The following ATP8B4 variants were observed in gnomAD, a reference collection of about 807,000 sequenced individuals.
ATP8B4 encodes the protein ATPase phospholipid transporting 8B4 (putative), also known as probable phospholipid-transporting ATPase IM.
ATP8B4 carries 133 observed loss-of-function variants against 145.6 expected under a neutral mutation model. That is an observed-to-expected ratio of 0.91 (90% CI 0.79 to 1.05). The LOEUF (loss-of-function observed/expected upper bound fraction) is 1.05. Ranked by LOEUF, ATP8B4 falls within the 50% of genes least tolerant of loss-of-function variation. The pLI is 0.00. For missense variants in ATP8B4, 1,458 were observed against 1,425.2 expected (o/e 1.02, Z -0.37); for synonymous variants, 507 against 492.9 (o/e 1.03, Z -0.38).
intron 19 of ATP8B4, 99 bp from the exon 20 acceptor site, chr15:49,917,138 C>T: frequency 8.9e-7 from 1 of 1,119,200 alleles, no homozygotes; most frequent in Middle Eastern, 2.0e-4. Flanking sequence ...TTTCTTAAAG[C>T]CTACAGGGGG....
At position 49,923,507 on chromosome 15, in the gene ATP8B4, A is replaced by C. The variant is rs1469641969; in HGVS notation, c.1643-13T>G. 6.5e-7 allele frequency: 1 copy of C among 1,540,364 alleles called. No homozygotes were observed. The highest frequency in any genetic ancestry group is 1.9e-5 in the Admixed American group (1 of 52,476). On this transcript the variant is annotated splice_polypyrimidine_tract_variant and intron_variant, in intron 16 of 27. Coordinates refer to ENST00000284509, the MANE Select transcript of ATP8B4 (RefSeq NM_024837.4). ...TCTGGGTTTCGAACTGAAAAGAAAA[A>C]AGTTTGGAAAAGCAGAATATAATCA...
intron 26 of ATP8B4, among the ~76,000 whole-genome samples, chr15:49,862,878 G>A (rs917531957): frequency 1.3e-5 from 2 of 152,182 alleles, no homozygotes; most frequent in Non-Finnish European, 2.9e-5. Flanking sequence ...TTACCAGCCT[G>A]AGCCAAGCAT....
At chr15:49,879,509 G>C (rs529067256) in intron 23 of ATP8B4, 50 bp from the exon 24 acceptor site, 1 of 1,471,890 alleles carries the variant, frequency 6.8e-7, no homozygotes, top group Non-Finnish European at 9.3e-7. Context: ...ATAGTAGTGA[G>C]AATATTCACA....
intron 7 of ATP8B4, 38 bp from the exon 8 acceptor site, chr15:50,002,261 G>A (rs755370696): frequency 1.3e-6 from 2 of 1,528,506 alleles, no homozygotes; most frequent in Admixed American, 3.4e-5. Context: ...TACTTGAGAA[G>A]TTAGATTGGT....
Position 49,920,265 on chromosome 15 carries a change from T to C in ATP8B4, c.1904A>G (p.Glu635Gly). 1.2e-6 allele frequency: 2 copies of C among 1,614,136 alleles called. No homozygotes were observed. The highest frequency in any genetic ancestry group is 1.7e-6 in the Non-Finnish European group (2 of 1,179,990). ...TCATACCATCAAATCTCTTTCAATT[T>C]CTTCATATAGCCCAGCTATTCGTTC... ...RDERIAGLYEEIERDLMLLGA... is the reference protein window; with the variant it reads ...RDERIAGLYEGIERDLMLLGA... The change falls in exon 18 of 28, where the codon GAA becomes GGA. Residue 635 changes from glutamate to glycine, a missense_variant. Glu to Gly is a moderately conservative substitution (Grantham distance 98, BLOSUM62 -2). Transcript: ENST00000284509.
chr15:50,168,232 G>A (rs762534338), intron 1 of ATP8B4, among the ~76,000 whole-genome samples: 3 of 152,086 alleles, frequency 2.0e-5, no homozygotes, highest in African/African-American at 4.8e-5. Context: ...GCGAAGGCTC[G>A]CATTGCGAAT....
At chr15:50,135,287 C>A (rs1218040530) in intron 1 of ATP8B4, among the ~76,000 whole-genome samples, 2 of 152,094 alleles carry the variant, frequency 1.3e-5, no homozygotes, top group Admixed American at 6.6e-5. Flanking sequence ...TAAGGAGGTA[C>A]TCTACATTTC....
intron 1 of ATP8B4, among the ~76,000 whole-genome samples, chr15:50,115,226 C>T (rs1454560058): frequency 5.3e-5 from 8 of 152,072 alleles, no homozygotes; most frequent in Admixed American, 6.5e-5. Flanking sequence ...AGTCCCACTG[C>T]TTGGGAGGCT....
chr15:49,863,231 CA>C (rs1315930639), intron 26 of ATP8B4, among the ~76,000 whole-genome samples: 1 of 152,186 alleles, frequency 6.6e-6, no homozygotes, highest in Non-Finnish European at 1.5e-5. Context: ...CTCAAAGTTC[CA>C]AGATCAAGAA....
chr15:50,179,105 T>C (rs1400274472), intron 1 of ATP8B4, among the ~76,000 whole-genome samples: 2 of 152,130 alleles, frequency 1.3e-5, no homozygotes. Flanking sequence ...AGACCAGACT[T>C]GCTAAAAACA....
chr15:49,861,790 G>A (rs1339502298), intron 27 of ATP8B4, among the ~76,000 whole-genome samples: 3 of 152,116 alleles, frequency 2.0e-5, no homozygotes, highest in Non-Finnish European at 4.4e-5. Context: ...TGTTCAGAAG[G>A]TAACATCTCA....
intron 6 of ATP8B4, among the ~76,000 whole-genome samples, chr15:50,025,830 G>T (rs945042320): frequency 6.6e-6 from 1 of 152,152 alleles, no homozygotes; most frequent in Non-Finnish European, 1.5e-5. Flanking sequence ...CTGGCACACA[G>T]GATTCACTCA....
At chr15:50,048,583 CT>C (rs1473724946) in intron 3 of ATP8B4, among the ~76,000 whole-genome samples, 1 of 151,988 alleles carries the variant, frequency 6.6e-6, no homozygotes, top group Non-Finnish European at 1.5e-5. Flanking sequence ...TGGTGCACGC[CT>C]GTAATCCCAG....
chr15:49,930,203 T>C (rs1195872263), intron 16 of ATP8B4, among the ~76,000 whole-genome samples: 3 of 152,042 alleles, frequency 2.0e-5, no homozygotes, highest in Non-Finnish European at 4.4e-5. Context: ...GCAATTGTTT[T>C]CTGATGCAGG....
intron 19 of ATP8B4, chr15:49,917,337 A>C: frequency 3.3e-6 from 1 of 304,224 alleles, no homozygotes; most frequent in Non-Finnish European, 6.0e-6. Context: ...ACTCATGAAA[A>C]TAAGATCTTG....
chr15:49,940,251 T>C (rs1343667807), intron 14 of ATP8B4, among the ~76,000 whole-genome samples: 1 of 152,158 alleles, frequency 6.6e-6, no homozygotes, highest in African/African-American at 2.4e-5. Flanking sequence ...TGTAGCCACA[T>C]GGATGCAGCT....
intron 2 of ATP8B4, among the ~76,000 whole-genome samples, chr15:50,079,303 G>A (rs1247669691): frequency 6.6e-6 from 1 of 152,118 alleles, no homozygotes; most frequent in Non-Finnish European, 1.5e-5. Context: ...ACAGTAGGGT[G>A]GAAGAAGACA....
At chr15:50,099,904 G>T (rs1164526745) in intron 2 of ATP8B4, among the ~76,000 whole-genome samples, 1 of 151,896 alleles carries the variant, frequency 6.6e-6, no homozygotes, top group Non-Finnish European at 1.5e-5. Context: ...GCGTAGTGGT[G>T]CATGCCTGTA....
intron 1 of ATP8B4, among the ~76,000 whole-genome samples, chr15:50,156,073 AATATAT>A (rs1208588077): frequency 1.9e-5 from 1 of 52,856 alleles, no homozygotes; most frequent in African/African-American, 1.0e-4. Flanking sequence ...TAAATAAATA[AATATAT>A]ATATATATAT....
Sources: gnomAD v4.1 joint callset for allele counts (sites outside exome capture counted in the v4.1 genomes callset) on GRCh38, gnomAD v4.1.1 for gene constraint, MANE v1.5 for transcripts, NCBI Gene and HGNC (gene_info 2026-07-23, HGNC 2026-07-21) for gene names.